The following PCDHGB3 variants were observed in gnomAD, a reference collection of about 807,000 sequenced individuals.
PCDHGB3 encodes the protein protocadherin gamma-B3.
A neutral mutation model predicts 59.2 loss-of-function variants in PCDHGB3; 40 were observed. The observed-to-expected ratio is 0.68, with a 90% CI of 0.52 to 0.88. The LOEUF (loss-of-function observed/expected upper bound fraction) is 0.88, where lower values mean the gene tolerates loss of function less well. Among genes scored for constraint, PCDHGB3 ranks in the 40% least tolerant of loss-of-function variants. The pLI, the probability that PCDHGB3 is intolerant of heterozygous loss-of-function variation, is 0.00. For synonymous variants in PCDHGB3, 581 were observed against 503.6 expected, an observed-to-expected ratio of 1.15 and a Z score of -2.06; for missense variants, 1,309 against 1,187.9, an observed-to-expected ratio of 1.10 and a Z score of -1.50.
rs146748846 is a variant in PCDHGB3 at position 141,452,937 on chromosome 5, G to C, written c.2416-41870G>C. 4.0e-4 allele frequency among the ~76,000 whole-genome samples: 61 copies of C among 152,254 alleles called. No individual in the cohort carries two copies. The East Asian group carries it at 0.01, about 26-fold the overall frequency. On this transcript the variant is annotated intron_variant, in intron 1 of 3. Coordinates refer to ENST00000576222, the MANE Select transcript of PCDHGB3 (RefSeq NM_018924.5). The stretch of plus-strand genomic sequence containing the variant: ...AGTAAGAAAGAGCTGCTGAAGATTT[G>C]CTTGCAATTGGTTGTCTTTAAACTG...
intron 1 of PCDHGB3, chr5:141,395,362 T>A: frequency 1.5e-6 from 2 of 1,294,628 alleles, no homozygotes; most frequent in Non-Finnish European, 1.0e-6. Context: ...AGTTTTGGGT[T>A]TATTTTGGTG....
intron 1 of PCDHGB3, chr5:141,413,323 G>A (rs1221252167): frequency 2.5e-6 from 4 of 1,613,840 alleles, no homozygotes; most frequent in Non-Finnish European, 3.4e-6. Flanking sequence ...CTCTTTCGTG[G>A]GCAACATCTC....
At chr5:141,403,748 G>A in intron 1 of PCDHGB3, 1 of 1,613,956 alleles carries the variant, frequency 6.2e-7, no homozygotes, top group East Asian at 2.2e-5. Context: ...TACTGCAACA[G>A]CCAGCGACCT....
chr5:141,496,083 C>T (rs1267834920), intron 2 of PCDHGB3, among the ~76,000 whole-genome samples: 8 of 151,904 alleles, frequency 5.3e-5, no homozygotes, highest in Admixed American at 3.3e-4. Flanking sequence ...CAACCCCCCA[C>T]CCACCACCCA....
At chr5:141,433,362 T>C (rs1285511534) in intron 1 of PCDHGB3, 6 of 299,814 alleles carry the variant, frequency 2.0e-5, no homozygotes, top group Non-Finnish European at 2.5e-5. Flanking sequence ...TGTCTGCCTA[T>C]CTATCTATCT....
intron 1 of PCDHGB3, chr5:141,376,036 G>T: frequency 6.2e-7 from 1 of 1,613,116 alleles, no homozygotes; most frequent in Non-Finnish European, 8.5e-7. Context: ...ACCACGGCCA[G>T]CCCCCTCTCT....
At chr5:141,414,883 G>A (rs572616023) in intron 1 of PCDHGB3, 1 of 1,614,176 alleles carries the variant, frequency 6.2e-7, no homozygotes, top group South Asian at 1.1e-5. Context: ...CCTGTACCCC[G>A]CCCTCCCCAC....
At chr5:141,394,915 C>T in intron 1 of PCDHGB3, 1 of 1,613,774 alleles carries the variant, frequency 6.2e-7, no homozygotes, top group Non-Finnish European at 8.5e-7. Flanking sequence ...GCTGCCATCT[C>T]CTGTGTCTTC....
intron 1 of PCDHGB3, chr5:141,400,255 C>A (rs2093990770): frequency 4.3e-6 from 7 of 1,613,928 alleles, no homozygotes; most frequent in Non-Finnish European, 1.7e-6. Context: ...CGTTGCCTTG[C>A]GCCTGCGACG....
chr5:141,498,625 T>C (rs1327552423), intron 2 of PCDHGB3, among the ~76,000 whole-genome samples: 1 of 152,176 alleles, frequency 6.6e-6, no homozygotes, highest in Non-Finnish European at 1.5e-5. Context: ...TGGGTCACAC[T>C]GCCTAGACAG....
chr5:141,391,882 A>C (rs2092435224), intron 1 of PCDHGB3: 1 of 152,226 alleles, frequency 6.6e-6, no homozygotes, highest in Middle Eastern at 3.2e-3. Flanking sequence ...CTTTGGTGAA[A>C]GGGATGGGAT....
rs982627903 is a variant in PCDHGB3, at chr5:141,421,421, T to C, written c.2415+48612T>C. ...CCCCGGGAGCTGGCGAAGCGCGGAGTCCGCATCGTCTCCAGAGGGAAGACA... is the reference window on the plus strand; with the variant it reads ...CCCCGGGAGCTGGCGAAGCGCGGAGCCCGCATCGTCTCCAGAGGGAAGACA... On this transcript the variant is annotated intron_variant, in intron 1 of 3. Coordinates refer to ENST00000576222, the MANE Select transcript of PCDHGB3 (RefSeq NM_018924.5). The C allele has an allele frequency of 6.2e-7, 1 of 1,613,994 alleles. No individual in the cohort carries two copies. The highest frequency in any genetic ancestry group is 1.3e-5 in the African/African-American group (1 of 75,052).
intron 2 of PCDHGB3, among the ~76,000 whole-genome samples, chr5:141,496,103 C>T (rs779317844): frequency 2.0e-5 from 3 of 152,218 alleles, no homozygotes; most frequent in South Asian, 2.1e-4. Flanking sequence ...ACCAACACCC[C>T]GCTCTCTTCC....
At chr5:141,435,925 A>G (rs978837252) in intron 1 of PCDHGB3, among the ~76,000 whole-genome samples, 16 of 152,166 alleles carry the variant, frequency 1.1e-4, no homozygotes, top group Non-Finnish European at 1.5e-5. Context: ...AAAATGCGGC[A>G]GTTGCTGCTT....
intron 2 of PCDHGB3, among the ~76,000 whole-genome samples, chr5:141,497,006 T>C (rs947830895): frequency 1.3e-5 from 2 of 151,678 alleles, no homozygotes; most frequent in South Asian, 2.1e-4. Context: ...GCAGCCAACA[T>C]GGTGAAACCC....
chr5:141,481,104 C>T (rs2099531861), intron 1 of PCDHGB3, among the ~76,000 whole-genome samples: 1 of 152,130 alleles, frequency 6.6e-6, no homozygotes. Context: ...ACTCTGGAAC[C>T]TACCAATCCA....
chr5:141,383,807 C>T, intron 1 of PCDHGB3: 7 of 1,613,926 alleles, frequency 4.3e-6, no homozygotes, highest in Non-Finnish European at 5.9e-6. Flanking sequence ...GAAATATCAA[C>T]TTTAGAAGGA....
At chr5:141,399,494 G>T in intron 1 of PCDHGB3, 1 of 1,614,032 alleles carries the variant, frequency 6.2e-7, no homozygotes, top group Non-Finnish European at 8.5e-7. Flanking sequence ...TACTTAGTCA[G>T]TGTACCCGAA....
At chr5:141,413,336 A>G (rs1561741680) in intron 1 of PCDHGB3, 1 of 1,613,972 alleles carries the variant, frequency 6.2e-7, no homozygotes, top group Non-Finnish European at 8.5e-7. Flanking sequence ...AACATCTCCA[A>G]GGACTTGGGT....
Sources: gnomAD v4.1 joint callset for allele counts (sites outside exome capture counted in the v4.1 genomes callset) on GRCh38, gnomAD v4.1.1 for gene constraint, MANE v1.5 for transcripts, NCBI Gene and HGNC (gene_info 2026-07-23, HGNC 2026-07-21) for gene names.